Variants in WWOX observed in about 807,000 individuals in gnomAD.
The protein encoded by WWOX is WW domain containing oxidoreductase.
In WWOX, 69 loss-of-function variants were observed where a neutral mutation model predicts 46.2. The ratio of observed to expected loss-of-function variants is 1.49; its 90% confidence interval spans 1.23 to 1.82. WWOX has a LOEUF of 1.82. Ranked by LOEUF, WWOX falls within the 40% of genes most tolerant of loss-of-function variation. The pLI is 0.00. For synonymous variants in WWOX, 359 were observed against 202.6 expected, an observed-to-expected ratio of 1.77 and a Z score of -6.56; for missense variants, 919 against 542.6, an observed-to-expected ratio of 1.69 and a Z score of -6.89.
chr16:78,937,030 A>G (rs1279341301), intron 8 of WWOX, among the ~76,000 whole-genome samples: 1 of 152,114 alleles, frequency 6.6e-6, no homozygotes, highest in Non-Finnish European at 1.5e-5. Flanking sequence ...TATGTACTAA[A>G]CCTGGTCCTG....
chr16:78,100,464 G>T (rs2031698834), intron 1 of WWOX, among the ~76,000 whole-genome samples: 2 of 152,306 alleles, frequency 1.3e-5, no homozygotes, highest in Admixed American at 1.3e-4. Flanking sequence ...ATGTTGCCCA[G>T]GCTGGTCTCG....
chr16:78,783,168 C>A (rs1286891869), intron 8 of WWOX, among the ~76,000 whole-genome samples: 1 of 152,176 alleles, frequency 6.6e-6, no homozygotes, highest in Non-Finnish European at 1.5e-5. Flanking sequence ...TATAATGGCC[C>A]ATCATTTATA....
intron 8 of WWOX, among the ~76,000 whole-genome samples, chr16:78,620,651 A>G (rs150346936): frequency 1.6e-3 from 249 of 152,140 alleles, no homozygotes; most frequent in Non-Finnish European, 2.8e-3. Context: ...CTGCTTCTTG[A>G]TGCACTTGTA....
intron 8 of WWOX, among the ~76,000 whole-genome samples, chr16:78,606,415 C>A (rs1259995282): frequency 6.6e-6 from 1 of 151,756 alleles, no homozygotes; most frequent in South Asian, 2.1e-4. Context: ...AGAATGTGGG[C>A]TACATGCTTT....
chr16:78,211,878 C>G (rs1453482355), intron 5 of WWOX, among the ~76,000 whole-genome samples: 1 of 152,172 alleles, frequency 6.6e-6, no homozygotes, highest in East Asian at 1.9e-4. Context: ...AGGTTCAAAT[C>G]CAGGCTCTGT....
At chr16:78,868,105 T>G (rs1449457702) in intron 8 of WWOX, among the ~76,000 whole-genome samples, 1 of 152,164 alleles carries the variant, frequency 6.6e-6, no homozygotes, top group Non-Finnish European at 1.5e-5. Flanking sequence ...TCATCCATGA[T>G]AGCCAAACGC....
chr16:78,150,018 C>T (rs2034343857), intron 4 of WWOX, among the ~76,000 whole-genome samples: 1 of 152,194 alleles, frequency 6.6e-6, no homozygotes, highest in African/African-American at 2.4e-5. Flanking sequence ...CCAGAGTCAG[C>T]ACAGACCCCA....
Position 78,819,197 on chromosome 16 carries a change from T to A in WWOX, c.1056+386445T>A, listed in dbSNP as rs374450133. ...TTCTCAGCCCCATCAGGTTCCCAGG[T>A]GAAATGAGCCCCGGCTCAGCAGGCC... On this transcript the variant is annotated intron_variant, in intron 8 of 8. Transcript: ENST00000566780. Among the ~76,000 whole-genome samples, 6 of 152,260 alleles carry A rather than the reference T, an allele frequency of 3.9e-5. 1 individual carries two copies. Among genetic ancestry groups the A allele is most frequent in the African/African-American group, 1.4e-4 (6 of 41,564 alleles).
intron 8 of WWOX, among the ~76,000 whole-genome samples, chr16:78,512,844 C>T (rs926533693): frequency 5.3e-5 from 8 of 152,232 alleles, no homozygotes; most frequent in East Asian, 1.9e-4. Context: ...CCTTTGCTTC[C>T]GAATGCAGCC....
At chr16:78,817,822 C>T (rs979116669) in intron 8 of WWOX, among the ~76,000 whole-genome samples, 1 of 152,106 alleles carries the variant, frequency 6.6e-6, no homozygotes, top group Non-Finnish European at 1.5e-5. Context: ...GTCCAGTCAC[C>T]CCAGTGAAAA....
intron 8 of WWOX, among the ~76,000 whole-genome samples, chr16:78,811,844 C>T (rs149756950): frequency 8.4e-4 from 128 of 152,298 alleles, no homozygotes; most frequent in African/African-American, 3.0e-3. Flanking sequence ...CAGTCCCTAA[C>T]ACTTGGTCAA....
chr16:78,909,330 C>T (rs1336215612), intron 8 of WWOX, among the ~76,000 whole-genome samples: 1 of 152,162 alleles, frequency 6.6e-6, no homozygotes, highest in South Asian at 2.1e-4. Context: ...GAATCCAGAT[C>T]CGCTTTGGTA....
At chr16:79,023,251 A>C (rs1462726753) in intron 8 of WWOX, among the ~76,000 whole-genome samples, 1 of 152,150 alleles carries the variant, frequency 6.6e-6, no homozygotes, top group Non-Finnish European at 1.5e-5. Context: ...GTAATAAAAG[A>C]ATTACTGTTC....
chr16:78,101,618 C>T (rs1003366302), intron 1 of WWOX, among the ~76,000 whole-genome samples: 2 of 152,112 alleles, frequency 1.3e-5, no homozygotes, highest in African/African-American at 4.8e-5. Context: ...ACTGCGTCAG[C>T]CCAGAATTTC....
intron 5 of WWOX, among the ~76,000 whole-genome samples, chr16:78,178,734 C>T (rs534093051): frequency 6.6e-6 from 1 of 152,100 alleles, no homozygotes; most frequent in African/African-American, 2.4e-5. Flanking sequence ...TGTCTTGGCG[C>T]ATGGCTATAA....
chr16:78,404,378 C>T (rs145667184), intron 6 of WWOX, among the ~76,000 whole-genome samples: 9 of 152,054 alleles, frequency 5.9e-5, no homozygotes, highest in East Asian at 1.9e-4. Context: ...CACCTCTATC[C>T]TTCAGGGGTT....
chr16:78,271,426 C>T lies in WWOX; in HGVS notation c.516+107137C>T, dbSNP rs940508676. ...TACATCCTACAAGCGTGCTTACCTGCATCACCTTGCTGGGCTGTTTCAGCA... is the reference window on the plus strand; with the variant it reads ...TACATCCTACAAGCGTGCTTACCTGTATCACCTTGCTGGGCTGTTTCAGCA... On this transcript the variant is annotated intron_variant, in intron 5 of 8. Coordinates refer to ENST00000566780, the MANE Select transcript of WWOX (RefSeq NM_016373.4). Among the ~76,000 whole-genome samples, 35 of 152,216 alleles carry T rather than the reference C, an allele frequency of 2.3e-4. 1 individual carries two copies. The highest frequency in any genetic ancestry group is 1.7e-3 in the Admixed American group (26 of 15,280).
chr16:78,430,136 A>T (rs902842996), intron 7 of WWOX, among the ~76,000 whole-genome samples: 2 of 152,180 alleles, frequency 1.3e-5, no homozygotes, highest in African/African-American at 4.8e-5. Context: ...GGGCAAAGGG[A>T]TGTCTTACAT....
intron 8 of WWOX, among the ~76,000 whole-genome samples, chr16:78,995,102 A>G (rs1447258233): frequency 6.6e-6 from 1 of 151,434 alleles, no homozygotes; most frequent in Non-Finnish European, 1.5e-5. Context: ...GTGCCCTTAG[A>G]TAATAACAGT....
Sources: allele counts gnomAD v4.1 joint callset (sites outside exome capture counted in the v4.1 genomes callset), GRCh38; gene constraint gnomAD v4.1.1; transcripts MANE v1.5; gene names NCBI Gene and HGNC (gene_info 2026-07-23, HGNC 2026-07-21).